Variants in FARP1 observed in about 807,000 individuals in gnomAD.
The protein encoded by FARP1 is FERM, ARH/RhoGEF and pleckstrin domain protein 1.
A neutral mutation model predicts 128.8 loss-of-function variants in FARP1; 52 were observed. The ratio of observed to expected loss-of-function variants is 0.40; its 90% CI spans 0.32 to 0.51. FARP1 has a LOEUF of 0.51. Ranked by LOEUF, FARP1 falls within the 20% of genes least tolerant of loss-of-function variation. The pLI is 0.45. For missense variants in FARP1, 1,333 were observed against 1,367.9 expected (o/e 0.97, Z 0.40); for synonymous variants, 580 against 551.8 (o/e 1.05, Z -0.72).
At chr13:98,220,681 C>G (rs993172629) in intron 2 of FARP1, among the ~76,000 whole-genome samples, 9 of 152,028 alleles carry the variant, frequency 5.9e-5, no homozygotes, top group African/African-American at 2.2e-4. Flanking sequence ...ATCATTTTAG[C>G]TAAATACTGT....
intron 2 of FARP1, among the ~76,000 whole-genome samples, chr13:98,265,614 C>T (rs935065991): frequency 1.4e-4 from 22 of 152,096 alleles, no homozygotes; most frequent in African/African-American, 5.1e-4. Context: ...CCACCGCGCC[C>T]AGCCCTTCCT....
At chr13:98,304,477 G>A (rs1886053574) in intron 2 of FARP1, among the ~76,000 whole-genome samples, 1 of 152,226 alleles carries the variant, frequency 6.6e-6, no homozygotes. Context: ...CCAGAAAGGT[G>A]CAGATTCCGA....
At chr13:98,207,376 T>C (rs1212774262) in intron 1 of FARP1, among the ~76,000 whole-genome samples, 1 of 152,154 alleles carries the variant, frequency 6.6e-6, no homozygotes, top group Non-Finnish European at 1.5e-5. Context: ...AATATATATT[T>C]ATCTGGGGAT....
chr13:98,386,680 G>C (rs925842090), intron 8 of FARP1, among the ~76,000 whole-genome samples: 1 of 152,122 alleles, frequency 6.6e-6, no homozygotes, highest in Non-Finnish European at 1.5e-5. Context: ...GGGATATAGA[G>C]AAAGCACCCG....
At chr13:98,145,098 G>A (rs2139065494) in intron 1 of FARP1, among the ~76,000 whole-genome samples, 1 of 152,302 alleles carries the variant, frequency 6.6e-6, no homozygotes, top group Non-Finnish European at 1.5e-5. Context: ...AGCATTATTG[G>A]GCAATGGCTG....
At chr13:98,396,160 A>C (rs1890537186) in intron 13 of FARP1, 2 of 399,146 alleles carry the variant, frequency 5.0e-6, no homozygotes, top group South Asian at 2.5e-4. Flanking sequence ...GGGGCAAGCC[A>C]GCGCAGCTGC....
intron 2 of FARP1, chr13:98,338,984 G>A (rs1412015920): frequency 6.6e-6 from 1 of 152,152 alleles, no homozygotes; most frequent in East Asian, 1.9e-4. Flanking sequence ...GACACACTTA[G>A]ATAGTTCAGG....
intron 19 of FARP1, chr13:98,437,848 T>C (rs1055145399): frequency 1.1e-5 from 18 of 1,596,690 alleles, no homozygotes; most frequent in Non-Finnish European, 1.4e-5. Flanking sequence ...AGGCCATTGT[T>C]ATTAGTAAAG....
chr13:98,275,951 T>C (rs1176042332), intron 2 of FARP1, among the ~76,000 whole-genome samples: 4 of 152,246 alleles, frequency 2.6e-5, no homozygotes, highest in Non-Finnish European at 5.9e-5. Flanking sequence ...TGTGTGAAAC[T>C]GACAAAGGTC....
intron 17 of FARP1, among the ~76,000 whole-genome samples, chr13:98,429,953 T>G (rs1344391558): frequency 6.6e-6 from 1 of 152,212 alleles, no homozygotes; most frequent in African/African-American, 2.4e-5. Flanking sequence ...GAATCTAGAT[T>G]TCAGGCCGGG....
intron 1 of FARP1, among the ~76,000 whole-genome samples, chr13:98,144,218 G>T (rs517205): frequency 0.9 from 134,626 of 150,306 alleles, 60,323 homozygotes; most frequent in East Asian, 1. Flanking sequence ...GTGTGTGTGT[G>T]TGTGTGTGTT....
intron 3 of FARP1, among the ~76,000 whole-genome samples, chr13:98,348,784 T>C (rs1484185435): frequency 4.6e-5 from 7 of 152,376 alleles, no homozygotes; most frequent in Non-Finnish European, 7.3e-5. Flanking sequence ...AGCCAATCTC[T>C]GCTTCGGACC....
chr13:98,286,269 T>G (rs1289026842), intron 2 of FARP1, among the ~76,000 whole-genome samples: 2 of 152,176 alleles, frequency 1.3e-5, no homozygotes, highest in Admixed American at 1.3e-4. Context: ...GCCTCATTAT[T>G]TCATAGAGCC....
rs1417310677 is a variant in FARP1, at chr13:98,449,138, G to A, written c.*821G>A. 6.6e-6 allele frequency: 1 copy of A among 152,178 alleles called. No homozygotes were observed. The highest frequency in any genetic ancestry group is 2.4e-5 in the African/African-American group (1 of 41,442). The allele number at this position is 152,178 out of a possible 1,614,324, so 9.4% of individuals were successfully genotyped here. ...CTGTGTCACAAGCATGAAAACCCGTGTGTCATTGATCAGCACCATTTGTGG... is the reference window on the plus strand; with the variant it reads ...CTGTGTCACAAGCATGAAAACCCGTATGTCATTGATCAGCACCATTTGTGG... On this transcript the variant is annotated 3_prime_UTR_variant, in exon 27 of 27. Transcript: ENST00000319562.
chr13:98,265,615 A>G (rs60191799), intron 2 of FARP1, among the ~76,000 whole-genome samples: 66,170 of 151,408 alleles, frequency 0.44, 15,232 homozygotes, highest in African/African-American at 0.58. Context: ...CACCGCGCCC[A>G]GCCCTTCCTG....
At chr13:98,329,495 C>G (rs948784989) in intron 2 of FARP1, 1 of 152,174 alleles carries the variant, frequency 6.6e-6, no homozygotes, top group African/African-American at 2.4e-5. Flanking sequence ...AACCCCATCT[C>G]TACTAAAAAT....
At chr13:98,268,236 T>G (rs1264072900) in intron 2 of FARP1, among the ~76,000 whole-genome samples, 2 of 152,206 alleles carry the variant, frequency 1.3e-5, no homozygotes, top group African/African-American at 4.8e-5. Flanking sequence ...GTGGGGGCTC[T>G]TGTGCCACAG....
chr13:98,421,117 G>A (rs964389204), intron 16 of FARP1, among the ~76,000 whole-genome samples: 3 of 152,192 alleles, frequency 2.0e-5, no homozygotes, highest in African/African-American at 7.2e-5. Flanking sequence ...TTTACAATTA[G>A]GGATTTGCAT....
At position 98,239,862 on chromosome 13, in the gene FARP1, A is replaced by T. The variant is rs368593182; in HGVS notation, c.171+26449A>T. On this transcript the variant is annotated intron_variant, in intron 2 of 26. Transcript: ENST00000319562. ...TGGGGCTGCTGGTCCAGACTGTGCT[A>T]GAGGAGAGAGAAAGGGCTGCTATTG... is the stretch of plus-strand genomic sequence containing the variant. Among the ~76,000 whole-genome samples the T allele has an allele frequency of 7.2e-5, 11 of 152,202 alleles. 2 individuals are homozygous for T. Among genetic ancestry groups the T allele is most frequent in the East Asian group, 1.9e-4 (1 of 5,164 alleles).
Sources: allele counts gnomAD v4.1 joint callset (sites outside exome capture counted in the v4.1 genomes callset), GRCh38; gene constraint gnomAD v4.1.1; transcripts MANE v1.5; gene names NCBI Gene and HGNC (gene_info 2026-07-23, HGNC 2026-07-21).